Variants in MAX observed in about 807,000 individuals in gnomAD.
MAX encodes the protein MYC associated transcriptional regulator X.
A neutral mutation model predicts 22.3 loss-of-function variants in MAX; 3 were observed. The ratio of observed to expected loss-of-function variants is 0.13; its 90% CI spans 0.06 to 0.35. MAX has a LOEUF of 0.35. MAX is among the 10% of genes least tolerant of loss of function. The probability of loss-of-function intolerance (pLI) is 1.00; values close to 1 mark genes in which losing one functional copy is unlikely to be tolerated. For synonymous variants in MAX, 72 were observed against 77.7 expected, an observed-to-expected ratio of 0.93 and a Z score of 0.39; for missense variants, 119 against 209.4, an observed-to-expected ratio of 0.57 and a Z score of 2.66.
intron 3 of MAX, among the ~76,000 whole-genome samples, chr14:65,037,749 T>TTTA (rs1228396511): frequency 2.8e-4 from 16 of 56,556 alleles, no homozygotes; most frequent in South Asian, 4.9e-4. Context: ...TTATTATTTA[T>TTTA]TTATTTATTT....
chr14:65,038,358 C>T (rs1370902455), intron 3 of MAX, among the ~76,000 whole-genome samples: 2 of 151,172 alleles, frequency 1.3e-5, no homozygotes, highest in Non-Finnish European at 2.9e-5. Context: ...TGCAGTGAGC[C>T]GAGATCGCAC....
At chr14:65,087,701 ACTTGT>A (rs1208551817) in intron 3 of MAX, among the ~76,000 whole-genome samples, 6 of 152,200 alleles carry the variant, frequency 3.9e-5, no homozygotes, top group South Asian at 2.1e-4. Context: ...GGCAGAAAGG[ACTTGT>A]CTTGTCCCAG....
intron 3 of MAX, among the ~76,000 whole-genome samples, chr14:65,051,057 G>A (rs2062596079): frequency 6.6e-6 from 1 of 152,266 alleles, no homozygotes; most frequent in Non-Finnish European, 1.5e-5. Context: ...TAGTGCAAGT[G>A]TATCAAAGCA....
In MAX at chr14:65,076,628, G is replaced by A. The variant is rs748675729; in HGVS notation, c.331C>T (p.Leu111=). ...ALEKARSSAQ[L]QTNYPSSDNS... is the part of the protein sequence containing the mutation. The stretch of plus-strand genomic sequence containing the variant: ...TCTGAGGAGGGGTAGTTGGTCTGCA[G>A]TTGGGCACTTGACCTCGCCTTCTCC... Residue 111 remains leucine, a synonymous_variant, in exon 5 of 5, where the codon CTG becomes TTG. Coordinates refer to ENST00000358664, the MANE Select transcript of MAX (RefSeq NM_002382.5). The surrounding 1 kb of genome is among the most constrained non-coding windows in gnomAD (Gnocchi z 6.6). 6.2e-7 allele frequency: 1 copy of A among 1,614,070 alleles called. No individual in the cohort carries two copies. The highest frequency in any genetic ancestry group is 8.5e-7 in the Non-Finnish European group (1 of 1,180,046).
chr14:65,101,393 A>C (rs890058720), intron 2 of MAX, among the ~76,000 whole-genome samples, 153 bp downstream of exon 2: 2 of 151,628 alleles, frequency 1.3e-5, no homozygotes, highest in Non-Finnish European at 2.9e-5. Context: ...CAACCCCCCC[A>C]CCCTCCAGAA....
intron 3 of MAX, among the ~76,000 whole-genome samples, chr14:65,041,198 G>A (rs747921687): frequency 3.9e-4 from 60 of 152,162 alleles, no homozygotes; most frequent in Non-Finnish European, 6.2e-4. Context: ...CTTCAGTTTC[G>A]TAGAATTAGA....
At chr14:65,101,788 C>A in intron 1 of MAX, 1 of 592,254 alleles carries the variant, frequency 1.7e-6, no homozygotes, top group East Asian at 2.8e-5. Flanking sequence ...CCCCTCCTTC[C>A]GGGATCCGAC....
At chr14:65,053,939 A>C (rs977037368) in intron 3 of MAX, among the ~76,000 whole-genome samples, 2 of 152,184 alleles carry the variant, frequency 1.3e-5, no homozygotes, top group African/African-American at 4.8e-5. Flanking sequence ...TTTCTAGAGA[A>C]GTGTATCAAT....
At chr14:65,008,120 T>C (rs1194973306) in intron 3 of MAX, among the ~76,000 whole-genome samples, 1 of 152,236 alleles carries the variant, frequency 6.6e-6, no homozygotes, top group Admixed American at 6.5e-5. Flanking sequence ...CACAAATAAG[T>C]TCACCTTTCC....
Position 65,031,540 on chromosome 14 carries a change from A to G in MAX, c.172-25256T>C, listed in dbSNP as rs897619588. On this transcript the variant is annotated intron_variant, in intron 3 of 3. Coordinates refer to the MAX transcript ENST00000341653. The surrounding 1 kb of genome is among the most constrained non-coding windows in gnomAD (Gnocchi z 4.6). ...GCAATATTGGTCAGGTTGGTCTTGAACTCCTGGCCTCGTGATCCACCTGCC... is the reference window on the plus strand; with the variant it reads ...GCAATATTGGTCAGGTTGGTCTTGAGCTCCTGGCCTCGTGATCCACCTGCC... Among the ~76,000 whole-genome samples, 13 of 149,440 alleles carry G rather than the reference A, an allele frequency of 8.7e-5. No individual in the cohort carries two copies. The highest frequency in any genetic ancestry group is 3.2e-4 in the African/African-American group (13 of 40,790).
chr14:65,017,634 C>G (rs1252621574), intron 3 of MAX, among the ~76,000 whole-genome samples: 5 of 152,156 alleles, frequency 3.3e-5, no homozygotes, highest in African/African-American at 1.2e-4. Context: ...TAAATATCAA[C>G]AGTAGAGAAT....
chr14:65,092,802 C>T (rs530722030), intron 3 of MAX, among the ~76,000 whole-genome samples: 1 of 152,178 alleles, frequency 6.6e-6, no homozygotes, highest in Non-Finnish European at 1.5e-5. Context: ...AAATCCAGGA[C>T]CCCCACCACA....
At chr14:65,087,472 T>C (rs1047973650) in intron 3 of MAX, among the ~76,000 whole-genome samples, 1 of 152,226 alleles carries the variant, frequency 6.6e-6, no homozygotes, top group Admixed American at 6.5e-5. Flanking sequence ...GGAACCCACC[T>C]TTTGTATCAG....
intron 3 of MAX, among the ~76,000 whole-genome samples, chr14:65,022,807 GTTC>G (rs1217218342): frequency 2.0e-5 from 3 of 151,964 alleles, no homozygotes; most frequent in African/African-American, 7.3e-5. Context: ...TTTTATTGTT[GTTC>G]TTCACAACTC....
chr14:65,080,653 T>A (rs2063176773), intron 3 of MAX, among the ~76,000 whole-genome samples: 1 of 152,206 alleles, frequency 6.6e-6, no homozygotes, highest in African/African-American at 2.4e-5. Flanking sequence ...CCCTCCAAAG[T>A]CTACCCTTTC....
At chr14:65,083,179 C>A (rs932509522) in intron 3 of MAX, among the ~76,000 whole-genome samples, 1 of 152,186 alleles carries the variant, frequency 6.6e-6, no homozygotes, top group African/African-American at 2.4e-5. Flanking sequence ...GAAGGCCAAC[C>A]CTCTCAAGCA....
Position 65,078,361 on chromosome 14 carries a change from C to T in MAX, c.172-325G>A, listed in dbSNP as rs2063116781. Among the ~76,000 whole-genome samples the T allele has an allele frequency of 6.6e-6, 1 of 151,968 alleles. No individual in the cohort carries two copies. The highest frequency in any genetic ancestry group is 2.4e-5 in the African/African-American group (1 of 41,354). On this transcript the variant is annotated intron_variant, in intron 3 of 4. Coordinates refer to ENST00000358664, the MANE Select transcript of MAX (RefSeq NM_002382.5). This position sits in a 1 kb window ranked among gnomAD's most constrained non-coding sequence, Gnocchi z 6.4. ...GGATTATAGGTGTGCGCCACCACGC[C>T]CATCTAATTTTTTTGTATTTTTAGT...
At position 65,069,360 on chromosome 14, in the gene MAX, C is replaced by T. The variant is rs1464626183; in HGVS notation, c.171+24348G>A. Among the ~76,000 whole-genome samples, 2 of 152,186 alleles carry T rather than the reference C, an allele frequency of 1.3e-5. No individual in the cohort carries two copies. The highest frequency in any genetic ancestry group is 4.8e-5 in the African/African-American group (2 of 41,462). On this transcript the variant is annotated intron_variant, in intron 3 of 3. Transcript: ENST00000341653. This position sits in a 1 kb window ranked among gnomAD's most constrained non-coding sequence, Gnocchi z 4.6. The stretch of plus-strand genomic sequence containing the variant: ...CTTGAGAAGCGATGACCTGGTGGCC[C>T]TGCCCCTCCCATAGTGCCAAACCGC...
At position 65,033,487 on chromosome 14, in the gene MAX, T is replaced by G. The variant is rs2062125729; in HGVS notation, c.172-27203A>C. 3.9e-5 allele frequency among the ~76,000 whole-genome samples: 6 copies of G among 152,372 alleles called. No individual in the cohort carries two copies. The South Asian group carries it at 1.2e-3, about 32-fold the overall frequency. ...GACCTGAAGTGTATATGGCTAATTCTAAGCTAGGTCTTAGATACGTGTATG... is the reference window on the plus strand; with the variant it reads ...GACCTGAAGTGTATATGGCTAATTCGAAGCTAGGTCTTAGATACGTGTATG... On this transcript the variant is annotated intron_variant, in intron 3 of 3. Coordinates refer to the MAX transcript ENST00000341653.
Sources: allele counts gnomAD v4.1 joint callset (sites outside exome capture counted in the v4.1 genomes callset), GRCh38; gene constraint gnomAD v4.1.1; non-coding constraint Gnocchi (gnomAD v3.1); transcripts MANE v1.5; gene names NCBI Gene and HGNC (gene_info 2026-07-23, HGNC 2026-07-21).